ANAPC7: variants seen among roughly 807,000 people sequenced by gnomAD.
ANAPC7 encodes the protein anaphase promoting complex subunit 7, also known as anaphase-promoting complex subunit 7.
In ANAPC7, 25 loss-of-function variants were observed where a neutral mutation model predicts 63.3. That is an observed-to-expected ratio of 0.39 (90% CI 0.29 to 0.55). The LOEUF (loss-of-function observed/expected upper bound fraction) is 0.55. ANAPC7 is among the 20% of genes least tolerant of loss of function. The pLI, the probability that ANAPC7 is intolerant of heterozygous loss-of-function variation, is 0.57. For missense variants in ANAPC7, 516 were observed against 691.7 expected, an observed-to-expected ratio of 0.75 and a Z score of 2.85; for synonymous variants, 241 against 251.7, an observed-to-expected ratio of 0.96 and a Z score of 0.40.
At chr12:110,377,914 G>C in intron 8 of ANAPC7, 1 of 889,702 alleles carries the variant, frequency 1.1e-6, no homozygotes, top group Non-Finnish European at 1.5e-6. Context: ...CTGACCACTG[G>C]AAGAATAAAT....
Position 110,373,417 on chromosome 12 carries a change from A to C in ANAPC7, c.*727T>G, listed in dbSNP as rs1408585079. The stretch of plus-strand genomic sequence containing the variant: ...GGGGCTGAATCAATGCATTGCGAAT[A>C]AGACAAAAATACTAAGAGTCTATTT... On this transcript the variant is annotated 3_prime_UTR_variant, in exon 11 of 11. Transcript: ENST00000455511. 2.0e-5 allele frequency: 3 copies of C among 152,180 alleles called. No individual in the cohort carries two copies. The highest frequency in any genetic ancestry group is 4.4e-5 in the Non-Finnish European group (3 of 68,046). The allele number at this position is 152,180 out of a possible 1,614,324, so 9.4% of individuals were successfully genotyped here. A position where few individuals can be genotyped will look rare whatever the true frequency, so the allele number is the denominator to read the frequency against.
At position 110,399,312 on chromosome 12, in the gene ANAPC7, G is replaced by A. The variant is rs1444982068; in HGVS notation, c.102-2860C>T. On this transcript the variant is annotated intron_variant, in intron 1 of 10. Coordinates refer to ENST00000455511, the MANE Select transcript of ANAPC7 (RefSeq NM_016238.3). ...TGGGATTACAGGCGTGAGCCACTGC[G>A]CCCAGCCGAGTCGAATAATTCTGTA... 2.6e-5 allele frequency among the ~76,000 whole-genome samples: 4 copies of A among 151,064 alleles called. No individual in the cohort carries two copies. The East Asian group carries it at 6.1e-4, about 23-fold the overall frequency.
rs1459810032 is a variant in ANAPC7, at chr12:110,386,453, A to AT, written c.690dup (p.Ser231IlefsTer6). 2 of 1,612,056 alleles carry AT rather than the reference A, an allele frequency of 1.2e-6. No individual in the cohort carries two copies. Among genetic ancestry groups the AT allele is most frequent in the Non-Finnish European group, 1.7e-6 (2 of 1,179,402 alleles). The stretch of plus-strand genomic sequence containing the variant: ...AGGTCCACGTTATCTCGCAATAAGG[A>AT]TTTTTTCTCTAGTGAACTTTAAGAT... On this transcript the variant is annotated frameshift_variant, in exon 6 of 11. Transcript: ENST00000455511. LOFTEE classifies it high-confidence loss of function.
chr12:110,400,841 G>T (rs1213041458), intron 1 of ANAPC7, among the ~76,000 whole-genome samples: 1 of 151,134 alleles, frequency 6.6e-6, no homozygotes, highest in Non-Finnish European at 1.5e-5. Context: ...GAGGTCAGGA[G>T]TTCCAGACAA....
chr12:110,394,953 C>T, intron 3 of ANAPC7, 148 bp downstream of exon 3: 2 of 884,888 alleles, frequency 2.3e-6, no homozygotes, highest in Non-Finnish European at 1.7e-6. Context: ...TTCAGGGTCC[C>T]CCACCCCCAC....
At chr12:110,400,728 T>C (rs2062215943) in intron 1 of ANAPC7, among the ~76,000 whole-genome samples, 1 of 151,734 alleles carries the variant, frequency 6.6e-6, no homozygotes, top group African/African-American at 2.4e-5. Flanking sequence ...TGGCAAAATG[T>C]GGGTCTCACT....
intron 1 of ANAPC7, among the ~76,000 whole-genome samples, chr12:110,401,452 G>C (rs970202556): frequency 6.6e-6 from 1 of 152,164 alleles, no homozygotes; most frequent in Admixed American, 6.5e-5. Context: ...GGGAGTACCC[G>C]AGAGTCCTGG....
intron 6 of ANAPC7, 64 bp downstream of exon 6, chr12:110,386,263 C>T: frequency 1.1e-5 from 18 of 1,593,074 alleles, no homozygotes; most frequent in Non-Finnish European, 1.5e-5. Flanking sequence ...GCTGCATATT[C>T]TCCCTATTAT....
Position 110,396,425 on chromosome 12 carries a change from G to A in ANAPC7, c.129C>T (p.Tyr43=), listed in dbSNP as rs768163388. The change falls in exon 2 of 11, where the codon TAC becomes TAT. Residue 43 remains tyrosine (Y), a synonymous_variant. Transcript: ENST00000455511. ...NPELFSPPQK[Y]QLLVYHADSL... is the part of the protein sequence containing the mutation. ...AATCTGCATGATACACCAAAAGCTG[G>A]TACTTCTGAGGTGGGGAGAATAACT... The A allele has an allele frequency of 6.2e-7, 1 of 1,612,126 alleles. No individual in the cohort carries two copies. The highest frequency in any genetic ancestry group is 1.7e-5 in the Admixed American group (1 of 59,496).
intron 9 of ANAPC7, among the ~76,000 whole-genome samples, 164 bp downstream of exon 9, chr12:110,377,229 C>G (rs1410415029): frequency 6.6e-6 from 1 of 151,856 alleles, no homozygotes; most frequent in Non-Finnish European, 1.5e-5. Flanking sequence ...AAGCCAGCTA[C>G]GTTTGGTTGG....
chr12:110,398,114 C>T (rs1435326009), intron 1 of ANAPC7, among the ~76,000 whole-genome samples: 5 of 151,810 alleles, frequency 3.3e-5, no homozygotes, highest in African/African-American at 9.7e-5. Context: ...GGTGCGGTGG[C>T]GAGTGCCTGT....
intron 5 of ANAPC7, chr12:110,387,502 C>T: frequency 3.6e-6 from 1 of 280,242 alleles, no homozygotes; most frequent in East Asian, 6.8e-5. Context: ...GCAAGGGTTA[C>T]TACCTGTGCA....
intron 3 of ANAPC7, among the ~76,000 whole-genome samples, chr12:110,392,959 C>A (rs927836095): frequency 6.6e-6 from 1 of 152,124 alleles, no homozygotes; most frequent in African/African-American, 2.4e-5. Context: ...CCACACCCGG[C>A]TAATTTTATA....
At chr12:110,394,961 C>A in intron 3 of ANAPC7, 140 bp downstream of exon 3, 2 of 969,288 alleles carry the variant, frequency 2.1e-6, no homozygotes, top group South Asian at 2.3e-5. Context: ...CCCCCACCCC[C>A]ACTCCATGAA....
At chr12:110,401,391 C>A (rs2062226082) in intron 1 of ANAPC7, among the ~76,000 whole-genome samples, 1 of 152,104 alleles carries the variant, frequency 6.6e-6, no homozygotes, top group South Asian at 2.1e-4. Context: ...GTGCTTATTG[C>A]GCACAGCCAC....
intron 10 of ANAPC7, among the ~76,000 whole-genome samples, chr12:110,375,176 C>G (rs892938323): frequency 1.3e-5 from 2 of 152,152 alleles, no homozygotes; most frequent in Non-Finnish European, 2.9e-5. Flanking sequence ...CTGGTTGAAG[C>G]CTTCCACATC....
chr12:110,377,903 T>C, intron 8 of ANAPC7: 2 of 1,012,020 alleles, frequency 2.0e-6, no homozygotes, highest in Non-Finnish European at 1.3e-6. Flanking sequence ...GAGCACCCCA[T>C]CTGACCACTG....
At chr12:110,376,861 A>G (rs988250212) in intron 9 of ANAPC7, among the ~76,000 whole-genome samples, 2 of 151,986 alleles carry the variant, frequency 1.3e-5, no homozygotes, top group African/African-American at 4.8e-5. Flanking sequence ...GGTGGCTCAC[A>G]CCTATAATCC....
At chr12:110,379,926 T>G (rs770448842) in intron 8 of ANAPC7, among the ~76,000 whole-genome samples, 4 of 152,208 alleles carry the variant, frequency 2.6e-5, no homozygotes, top group Non-Finnish European at 5.9e-5. Context: ...AAAACAAAGT[T>G]GGACCCTGAT....
Sources: gnomAD v4.1 joint callset for allele counts (sites outside exome capture counted in the v4.1 genomes callset) on GRCh38, gnomAD v4.1.1 for gene constraint, MANE v1.5 for transcripts, NCBI Gene and HGNC (gene_info 2026-07-23, HGNC 2026-07-21) for gene names.